FOXK1: variants seen among roughly 807,000 people sequenced by gnomAD.
FOXK1 encodes the protein forkhead box K1.
FOXK1 carries 19 observed loss-of-function variants against 51.9 expected under a neutral mutation model. The observed-to-expected ratio is 0.37, with a 90% CI of 0.26 to 0.54. FOXK1 has a LOEUF of 0.54. FOXK1 is among the 20% of genes least tolerant of loss of function. The pLI is 0.87. For synonymous variants in FOXK1, 537 were observed against 482.6 expected (o/e 1.11, Z -1.48); for missense variants, 870 against 1,032.7 (o/e 0.84, Z 2.16).
intron 1 of FOXK1, among the ~76,000 whole-genome samples, chr7:4,739,070 AAG>A (rs895899162): frequency 6.6e-5 from 10 of 152,324 alleles, no homozygotes; most frequent in African/African-American, 2.2e-4. Flanking sequence ...TTTCATATGA[AAG>A]AGGGGTGTCT....
chr7:4,725,190 C>T (rs1015080658), intron 1 of FOXK1, among the ~76,000 whole-genome samples: 2 of 152,246 alleles, frequency 1.3e-5, no homozygotes, highest in Non-Finnish European at 2.9e-5. Flanking sequence ...CATTTCACTG[C>T]GAGTTGGGGT....
At position 4,723,668 on chromosome 7, in the gene FOXK1, A is replaced by C. The variant is rs997148916; in HGVS notation, c.561-17170A>C. Among the ~76,000 whole-genome samples the C allele has an allele frequency of 6.6e-6, 1 of 151,998 alleles. No homozygotes were observed. Among genetic ancestry groups the C allele is most frequent in the Admixed American group, 6.6e-5 (1 of 15,262 alleles). On this transcript the variant is annotated intron_variant, in intron 1 of 8. Transcript: ENST00000328914. This position sits in a 1 kb window ranked among gnomAD's most constrained non-coding sequence, Gnocchi z 4.7. ...TTTCCTTTCTCTCAAAACAGTTACT[A>C]CCAATGTTTGTTTATTTGAGATAGG...
In FOXK1 at chr7:4,734,214, C is replaced by CT. The variant is rs924947055; in HGVS notation, c.561-6623dup. Among the ~76,000 whole-genome samples, 24 of 152,216 alleles carry CT rather than the reference C, an allele frequency of 1.6e-4. No individual in the cohort carries two copies. Among genetic ancestry groups the CT allele is most frequent in the Non-Finnish European group, 8.8e-5 (6 of 68,032 alleles). ...AAGGAGCGGCTTGTGTGGGGTGACT[C>CT]TATCTCAAGCCGTAGGCCTCCCAGA... On this transcript the variant is annotated intron_variant, in intron 1 of 8. Coordinates refer to ENST00000328914, the MANE Select transcript of FOXK1 (RefSeq NM_001037165.2). This position sits in a 1 kb window ranked among gnomAD's most constrained non-coding sequence, Gnocchi z 5.2.
chr7:4,721,086 C>T (rs1293811368), intron 1 of FOXK1, among the ~76,000 whole-genome samples: 2 of 152,190 alleles, frequency 1.3e-5, no homozygotes, highest in African/African-American at 4.8e-5. Context: ...TGCCCCGTCC[C>T]TTTCTTGCTT....
Position 4,761,415 on chromosome 7 carries a change from C to A in FOXK1, c.1921+127C>A. 2.0e-6 allele frequency: 2 copies of A among 982,252 alleles called. No homozygotes were observed. Among genetic ancestry groups the A allele is most frequent in the Non-Finnish European group, 3.0e-6 (2 of 661,668 alleles). The allele number at this position is 982,252 out of a possible 1,614,324, so 60.8% of individuals were successfully genotyped here. The stretch of plus-strand genomic sequence containing the variant: ...CTCAGTTCAATTTATTGAGCACCTG[C>A]TATACTCCAGGCACTGGGGTAATGC... On this transcript the variant is annotated intron_variant, in intron 8 of 8. Transcript: ENST00000328914. The surrounding 1 kb of genome is among the most constrained non-coding windows in gnomAD (Gnocchi z 6.2).
At chr7:4,757,807 G>C (rs898015014) in intron 5 of FOXK1, among the ~76,000 whole-genome samples, 12 of 152,080 alleles carry the variant, frequency 7.9e-5, no homozygotes, top group African/African-American at 2.7e-4. Flanking sequence ...CCATTTCTAT[G>C]AGGAACTTGG....
At position 4,756,045 on chromosome 7, in the gene FOXK1, T is replaced by A. The variant is rs1320477415; in HGVS notation, c.1050+662T>A. 6.6e-6 allele frequency among the ~76,000 whole-genome samples: 1 copy of A among 152,242 alleles called. No individual in the cohort carries two copies. Among genetic ancestry groups the A allele is most frequent in the African/African-American group, 2.4e-5 (1 of 41,468 alleles). ...GAGCTTTGTCCACACCAGCCATGACTGATGCATGTTGCATTTGCCTGTATT... is the reference window on the plus strand; with the variant it reads ...GAGCTTTGTCCACACCAGCCATGACAGATGCATGTTGCATTTGCCTGTATT... On this transcript the variant is annotated intron_variant, in intron 4 of 8. Transcript: ENST00000328914. This position sits in a 1 kb window ranked among gnomAD's most constrained non-coding sequence, Gnocchi z 4.1.
At chr7:4,713,258 C>G (rs1034140159) in intron 1 of FOXK1, among the ~76,000 whole-genome samples, 1 of 152,134 alleles carries the variant, frequency 6.6e-6, no homozygotes, top group African/African-American at 2.4e-5. Context: ...CTGTACTGAT[C>G]GTAACAGTGC....
chr7:4,761,245 A>G lies in FOXK1; in HGVS notation c.1878A>G (p.Gly626=). ...HLPVRAVTQN[G]KHAVPTNSLA... The stretch of plus-strand genomic sequence containing the variant: ...CAGTCCGGGCCGTGACCCAGAACGG[A>G]AAGCATGCGGTTCCCACGAACAGTT... Residue 626 remains glycine (G), a synonymous_variant, in exon 8 of 9, where the codon GGA becomes GGG. Transcript: ENST00000328914. The surrounding 1 kb of genome is among the most constrained non-coding windows in gnomAD (Gnocchi z 6.2). 6.2e-7 allele frequency: 1 copy of G among 1,613,152 alleles called. No individual in the cohort carries two copies. The highest frequency in any genetic ancestry group is 8.5e-7 in the Non-Finnish European group (1 of 1,180,026).
rs546632870 is a variant in FOXK1 at position 4,732,328 on chromosome 7, C to CCATT, written c.561-8491_561-8488dup. On this transcript the variant is annotated intron_variant, in intron 1 of 8. Coordinates refer to ENST00000328914, the MANE Select transcript of FOXK1 (RefSeq NM_001037165.2). ...CAAAGATCCCAGTGCCGACAGTTCT[C>CCATT]CATTCATTCATTCATTCATTCAGTC... 4.7e-3 allele frequency among the ~76,000 whole-genome samples: 719 copies of CCATT among 152,254 alleles called. 4 individuals are homozygous for CCATT. The highest frequency in any genetic ancestry group is 0.016 in the African/African-American group (674 of 41,540).
rs2115083034 is a variant in FOXK1 at position 4,767,650 on chromosome 7, C to A, written c.*5186C>A. On this transcript the variant is annotated 3_prime_UTR_variant, in exon 9 of 9. Transcript: ENST00000328914. This position sits in a 1 kb window ranked among gnomAD's most constrained non-coding sequence, Gnocchi z 6.6. ...ATAACAAATGGTCTCTCGCCCGGTT[C>A]TGTCCCTTATTTTTAGATTGTTTTC... 1 of 152,330 alleles carries A rather than the reference C, an allele frequency of 6.6e-6. No homozygotes were observed. The highest frequency in any genetic ancestry group is 2.4e-5 in the African/African-American group (1 of 41,584). The allele number at this position is 152,330 out of a possible 1,614,324, so 9.4% of individuals were successfully genotyped here. A position where few individuals can be genotyped will look rare whatever the true frequency, so the allele number is the denominator to read the frequency against.
rs886368064 is a variant in FOXK1 at position 4,715,471 on chromosome 7, G to A, written c.561-25367G>A. On this transcript the variant is annotated intron_variant, in intron 1 of 8. Coordinates refer to ENST00000328914, the MANE Select transcript of FOXK1 (RefSeq NM_001037165.2). This position sits in a 1 kb window ranked among gnomAD's most constrained non-coding sequence, Gnocchi z 4.5. ...CCTTCTAGGGGGTTGGCTGGAACTC[G>A]GGCCCCGCTGGCCGGCGGTAGGAGC... Among the ~76,000 whole-genome samples, 4 of 152,212 alleles carry A rather than the reference G, an allele frequency of 2.6e-5. No homozygotes were observed. Among genetic ancestry groups the A allele is most frequent in the Admixed American group, 2.6e-4 (4 of 15,278 alleles).
At chr7:4,684,367 C>T (rs1257500141) in intron 1 of FOXK1, among the ~76,000 whole-genome samples, 1 of 152,158 alleles carries the variant, frequency 6.6e-6, no homozygotes, top group Admixed American at 6.5e-5. Context: ...AACTTCTCCC[C>T]TTTTTTAGTC....
At position 4,694,404 on chromosome 7, in the gene FOXK1, A is replaced by T. The variant is rs185613215; in HGVS notation, c.560+11536A>T. On this transcript the variant is annotated intron_variant, in intron 1 of 8. Transcript: ENST00000328914. ...GAAATTTCTCTCTCTTTCCCTTCTC[A>T]CTATAAATCACAGCAAATCAGCAGT... Among the ~76,000 whole-genome samples, 135 of 152,244 alleles carry T rather than the reference A, an allele frequency of 8.9e-4. 1 individual carries two copies. The highest frequency in any genetic ancestry group is 3.0e-3 in the Admixed American group (46 of 15,296).
At position 4,703,583 on chromosome 7, in the gene FOXK1, G is replaced by A. The variant is rs1163376261; in HGVS notation, c.560+20715G>A. 1.3e-5 allele frequency among the ~76,000 whole-genome samples: 2 copies of A among 152,346 alleles called. No individual in the cohort carries two copies. The highest frequency in any genetic ancestry group is 4.8e-5 in the African/African-American group (2 of 41,580). On this transcript the variant is annotated intron_variant, in intron 1 of 8. Transcript: ENST00000328914. This position sits in a 1 kb window ranked among gnomAD's most constrained non-coding sequence, Gnocchi z 5.6. ...TTGGGTACATTTTGCTCATCTTAGGGTTGGGGACAGAACATCATTAAGAAT... is the reference window on the plus strand; with the variant it reads ...TTGGGTACATTTTGCTCATCTTAGGATTGGGGACAGAACATCATTAAGAAT...
intron 2 of FOXK1, among the ~76,000 whole-genome samples, chr7:4,744,797 C>A (rs928557085): frequency 2.6e-5 from 4 of 152,238 alleles, no homozygotes; most frequent in Non-Finnish European, 5.9e-5. Flanking sequence ...CCGCCCAGTC[C>A]TGTTCTTTGA....
Position 4,745,529 on chromosome 7 carries a change from G to T in FOXK1, c.746+4506G>T. 6.6e-6 allele frequency among the ~76,000 whole-genome samples: 1 copy of T among 152,126 alleles called. No individual in the cohort carries two copies. On this transcript the variant is annotated intron_variant, in intron 2 of 8. Transcript: ENST00000328914. The surrounding 1 kb of genome is among the most constrained non-coding windows in gnomAD (Gnocchi z 4.3). ...TTTCTGCCCTGAAGTACTCCACCCA[G>T]AAAATGAATGAACTCTCTTTGAAAT... is the stretch of plus-strand genomic sequence containing the variant.
At chr7:4,697,939 C>T (rs1018340927) in intron 1 of FOXK1, among the ~76,000 whole-genome samples, 7 of 152,044 alleles carry the variant, frequency 4.6e-5, no homozygotes, top group African/African-American at 1.4e-4. Flanking sequence ...ATTCTCTTGC[C>T]TCAGCCTCCC....
chr7:4,706,001 T>C (rs543593387), intron 1 of FOXK1, among the ~76,000 whole-genome samples: 16 of 102,952 alleles, frequency 1.6e-4, no homozygotes, highest in East Asian at 6.1e-4. Flanking sequence ...TACGTATATA[T>C]ACGTATATAT....
Sources: gnomAD v4.1 joint callset for allele counts (sites outside exome capture counted in the v4.1 genomes callset) on GRCh38, gnomAD v4.1.1 for gene constraint, Gnocchi (gnomAD v3.1) non-coding constraint, MANE v1.5 for transcripts, NCBI Gene and HGNC (gene_info 2026-07-23, HGNC 2026-07-21) for gene names.